Variants in DTWD2 observed in about 807,000 individuals in gnomAD.
DTWD2 encodes the protein tRNA-uridine aminocarboxypropyltransferase 2.
DTWD2 carries 39 observed loss-of-function variants against 31.8 expected under a neutral mutation model. The observed-to-expected ratio is 1.22, with a 90% confidence interval of 0.95 to 1.60. DTWD2 has a LOEUF of 1.60. Ranked by LOEUF, DTWD2 falls within the 40% of genes most tolerant of loss-of-function variation. DTWD2 has a pLI of 0.00. For missense variants in DTWD2, 515 were observed against 381.5 expected (o/e 1.35, Z -2.92); for synonymous variants, 180 against 142.8 (o/e 1.26, Z -1.86).
At chr5:118,982,534 T>C (rs1489205335) in intron 1 of DTWD2, among the ~76,000 whole-genome samples, 2 of 152,122 alleles carry the variant, frequency 1.3e-5, no homozygotes, top group African/African-American at 2.4e-5. Flanking sequence ...ATATTTTCTA[T>C]ACTAACAGGA....
intron 4 of DTWD2, among the ~76,000 whole-genome samples, chr5:118,900,822 G>A (rs1478763214): frequency 1.3e-5 from 2 of 151,968 alleles, no homozygotes; most frequent in Non-Finnish European, 2.9e-5. Flanking sequence ...CTACTCGGGA[G>A]GCTGAGGCAG....
chr5:118,896,412 T>A lies in DTWD2; in HGVS notation c.597+32125A>T, dbSNP rs189473369. Among the ~76,000 whole-genome samples, 624 of 151,242 alleles carry A rather than the reference T, an allele frequency of 4.1e-3. 8 individuals carry two copies. The highest frequency in any genetic ancestry group is 0.029 in the East Asian group (151 of 5,150). ...TTCATTTTCAGATGAAAAACATGAG[T>A]CTGAAAAAGGTTAAGATAAAAACAA... On this transcript the variant is annotated intron_variant, in intron 4 of 5. Transcript: ENST00000510708.
At chr5:118,953,968 C>T (rs1016150143) in intron 1 of DTWD2, among the ~76,000 whole-genome samples, 34 of 152,146 alleles carry the variant, frequency 2.2e-4, no homozygotes, top group African/African-American at 7.7e-4. Flanking sequence ...TGCTCCAATG[C>T]CCCATTCTAA....
intron 4 of DTWD2, among the ~76,000 whole-genome samples, chr5:118,902,674 A>G (rs2149566423): frequency 6.6e-6 from 1 of 152,200 alleles, no homozygotes. Flanking sequence ...CATCTGGAAA[A>G]AGTAAGCCTG....
At chr5:118,846,268 C>A (rs1433665072) in intron 5 of DTWD2, among the ~76,000 whole-genome samples, 1 of 151,990 alleles carries the variant, frequency 6.6e-6, no homozygotes, top group African/African-American at 2.4e-5. Context: ...GGAGCACCAG[C>A]AGAATTAGTA....
chr5:118,971,658 T>A (rs984431127), intron 1 of DTWD2, among the ~76,000 whole-genome samples: 1 of 152,136 alleles, frequency 6.6e-6, no homozygotes, highest in East Asian at 1.9e-4. Flanking sequence ...GAACTCTCCA[T>A]CCAAAAATAA....
chr5:118,857,427 T>G (rs1752163455), intron 4 of DTWD2, among the ~76,000 whole-genome samples: 1 of 152,216 alleles, frequency 6.6e-6, no homozygotes, highest in Non-Finnish European at 1.5e-5. Context: ...ACAAATGCTA[T>G]TAAGACTTTT....
At chr5:118,912,793 G>T (rs1247449989) in intron 4 of DTWD2, among the ~76,000 whole-genome samples, 2 of 152,136 alleles carry the variant, frequency 1.3e-5, no homozygotes, top group East Asian at 3.8e-4. Flanking sequence ...AAAAACAGTA[G>T]AATTCACCAG....
rs969680540 is a variant in DTWD2, at chr5:118,840,258, T to C, written c.*659A>G. The C allele has an allele frequency of 2.0e-5, 3 of 152,206 alleles. No homozygotes were observed. The highest frequency in any genetic ancestry group is 7.2e-5 in the African/African-American group (3 of 41,462). 9.4% of individuals were successfully genotyped at this position (152,206 alleles called of 1,614,324 possible). On this transcript the variant is annotated 3_prime_UTR_variant, in exon 6 of 6. Transcript: ENST00000510708. The stretch of plus-strand genomic sequence containing the variant: ...TACCAGAGTCAATAAGCCTGTTCAA[T>C]GAACACTGAAAAATACAAATTTATC...
At chr5:118,986,775 A>G (rs1182429740) in intron 1 of DTWD2, among the ~76,000 whole-genome samples, 6 of 152,114 alleles carry the variant, frequency 3.9e-5, no homozygotes, top group African/African-American at 1.4e-4. Context: ...AGAGCTTTTC[A>G]CAGGTAGCAA....
chr5:118,950,729 T>C (rs138119932), intron 1 of DTWD2, among the ~76,000 whole-genome samples: 14 of 152,322 alleles, frequency 9.2e-5, no homozygotes, highest in African/African-American at 3.1e-4. Flanking sequence ...CTTAGGCGTT[T>C]TGAAGTTCTT....
Position 118,912,469 on chromosome 5 carries a change from T to G in DTWD2, c.597+16068A>C, listed in dbSNP as rs1189492400. Among the ~76,000 whole-genome samples the G allele has an allele frequency of 3.3e-5, 5 of 152,386 alleles. No individual in the cohort carries two copies. In the East Asian group the frequency reaches 9.6e-4, roughly 29 times the overall value. Reference sequence around the variant, plus strand: ...CCTACAAACCTATCTTGACCCATTCTGTTCCTCTCTCGCTAAGCTCCAACC... The same window carrying G: ...CCTACAAACCTATCTTGACCCATTCGGTTCCTCTCTCGCTAAGCTCCAACC... On this transcript the variant is annotated intron_variant, in intron 4 of 5. Coordinates refer to ENST00000510708, the MANE Select transcript of DTWD2 (RefSeq NM_173666.4).
chr5:118,895,365 T>C (rs1189997905), intron 4 of DTWD2, among the ~76,000 whole-genome samples: 1 of 152,036 alleles, frequency 6.6e-6, no homozygotes, highest in African/African-American at 2.4e-5. Flanking sequence ...GAAGAGGACA[T>C]ACAAAAAAAT....
chr5:118,974,801 T>C (rs527786522), intron 1 of DTWD2: 98 of 389,304 alleles, frequency 2.5e-4, no homozygotes, highest in South Asian at 2.0e-3. Context: ...TTTGCTGAGT[T>C]GTTCTAACAA....
chr5:118,905,396 A>G (rs559957374), intron 4 of DTWD2, among the ~76,000 whole-genome samples: 2 of 152,242 alleles, frequency 1.3e-5, no homozygotes, highest in South Asian at 2.1e-4. Context: ...TGCAGAGCGT[A>G]TAACATTCTG....
chr5:118,983,018 C>A (rs947106112), intron 1 of DTWD2, among the ~76,000 whole-genome samples: 2 of 152,094 alleles, frequency 1.3e-5, no homozygotes, highest in Non-Finnish European at 2.9e-5. Flanking sequence ...AGTGCTGATA[C>A]TGATTCAACA....
chr5:118,962,578 T>C (rs1371641636), intron 1 of DTWD2, among the ~76,000 whole-genome samples: 1 of 151,832 alleles, frequency 6.6e-6, no homozygotes, highest in African/African-American at 2.4e-5. Flanking sequence ...ACTAATTTCA[T>C]AAACAGTAAT....
chr5:118,868,787 C>T (rs1236076807), intron 4 of DTWD2, among the ~76,000 whole-genome samples: 1 of 148,330 alleles, frequency 6.7e-6, no homozygotes, highest in Non-Finnish European at 1.5e-5. Flanking sequence ...TGCAGTGAAC[C>T]GTGATTGCCA....
intron 1 of DTWD2, among the ~76,000 whole-genome samples, chr5:118,972,985 G>C (rs969561115): frequency 2.0e-5 from 3 of 151,936 alleles, no homozygotes; most frequent in Admixed American, 6.5e-5. Context: ...ATTATGTAAT[G>C]CCCTTCTTTG....
Sources: gnomAD v4.1 joint callset for allele counts (sites outside exome capture counted in the v4.1 genomes callset) on GRCh38, gnomAD v4.1.1 for gene constraint, MANE v1.5 for transcripts, NCBI Gene and HGNC (gene_info 2026-07-23, HGNC 2026-07-21) for gene names.